Variants in CD99 observed in about 807,000 individuals in gnomAD.
The protein encoded by CD99 is CD99 antigen.
A neutral mutation model predicts 28.4 loss-of-function variants in CD99; 19 were observed. The observed-to-expected ratio is 0.67, with a 90% CI of 0.47 to 0.98. The LOEUF (loss-of-function observed/expected upper bound fraction) is 0.98. Ranked by LOEUF, CD99 falls within the 50% of genes least tolerant of loss-of-function variation. CD99 has a pLI of 0.00. For missense variants in CD99, 283 were observed against 248.8 expected (o/e 1.14, Z -0.92); for synonymous variants, 103 against 92.1 (o/e 1.12, Z -0.67).
At chrX:2,703,757 C>T (rs1002953820) in intron 1 of CD99, among the ~76,000 whole-genome samples, 5 of 151,924 alleles carry the variant, frequency 3.3e-5, no homozygotes, top group Non-Finnish European at 5.9e-5. Flanking sequence ...AGGGCAGAGA[C>T]CACTTTGAAA....
At chrX:2,714,148 A>G (rs28635250) in intron 1 of CD99, among the ~76,000 whole-genome samples, 50,862 of 151,996 alleles carry the variant, frequency 0.33, 9,215 homozygotes, top group African/African-American at 0.48. Flanking sequence ...CCTGTTAAGA[A>G]TAATACACAA....
At chrX:2,739,298 G>GA (rs1197796998) in intron 9 of CD99, among the ~76,000 whole-genome samples, 2 of 151,928 alleles carry the variant, frequency 1.3e-5, no homozygotes, top group African/African-American at 2.4e-5. Flanking sequence ...AAAATGGCAA[G>GA]AAAAAAATGT....
intron 3 of CD99, 123 bp from the exon 4 acceptor site, chrX:2,719,538 G>A: frequency 2.5e-6 from 2 of 791,436 alleles, no homozygotes; most frequent in Admixed American, 1.9e-5. Context: ...TCCTGGTCAA[G>A]CTGATATTCA....
At chrX:2,727,492 C>CTTTTTTTTTTTTTTTTTTTTTT in intron 8 of CD99, 1 of 681,598 alleles carries the variant, frequency 1.5e-6, no homozygotes, top group South Asian at 1.6e-5. Flanking sequence ...TTTTTTATTT[C>CTTTTTTTTTTTTTTTTTTTTTT]TTGAGACAGA....
At chrX:2,724,780 T>C (rs1025280902) in intron 7 of CD99, among the ~76,000 whole-genome samples, 5 of 152,032 alleles carry the variant, frequency 3.3e-5, no homozygotes, top group African/African-American at 1.2e-4. Context: ...GCCATGCACC[T>C]GTAGTCCTAG....
intron 1 of CD99, among the ~76,000 whole-genome samples, chrX:2,710,841 C>G (rs1209504885): frequency 6.9e-6 from 1 of 144,222 alleles, no homozygotes; most frequent in African/African-American, 2.6e-5. Context: ...ACTAATGTAT[C>G]TACATATGAA....
chrX:2,691,863 C>T (rs1215589437), intron 1 of CD99: 5 of 778,844 alleles, frequency 6.4e-6, no homozygotes, highest in Admixed American at 5.1e-5. Context: ...GCCCTGCGTC[C>T]CGGGCCTAAA....
Position 2,691,307 on chromosome X carries a change from G to A in CD99, c.-54G>A. 1 of 1,453,284 alleles carries A rather than the reference G, an allele frequency of 6.9e-7. No homozygotes were observed. The allele number at this position is 1,453,284 out of a possible 1,614,324, so 90.0% of individuals were successfully genotyped here. ...CCCGTGGGGGAGTATCTGTCCTGCC[G>A]CCTTCGCCCACGCCCTGCACTCCGG... On this transcript the variant is annotated 5_prime_UTR_variant, in exon 1 of 10. Coordinates refer to ENST00000381192, the MANE Select transcript of CD99 (RefSeq NM_002414.5).
At chrX:2,720,103 T>TA (rs2048921921) in intron 4 of CD99, among the ~76,000 whole-genome samples, 1 of 152,208 alleles carries the variant, frequency 6.6e-6, no homozygotes, top group South Asian at 2.1e-4. Flanking sequence ...CCCACCTTTT[T>TA]ATTTTGGCCC....
At chrX:2,709,337 AC>A (rs2048275589) in intron 1 of CD99, among the ~76,000 whole-genome samples, 1 of 152,178 alleles carries the variant, frequency 6.6e-6, no homozygotes, top group African/African-American at 2.4e-5. Flanking sequence ...GCACATGCAC[AC>A]CCATATATGC....
At chrX:2,709,280 G>A (rs189213841) in intron 1 of CD99, among the ~76,000 whole-genome samples, 4,573 of 99,460 alleles carry the variant, frequency 0.046, 208 homozygotes, top group East Asian at 0.19. Flanking sequence ...ACATGTGCAC[G>A]TGAGCACACA....
At chrX:2,717,888 G>C in intron 3 of CD99, 1 of 538,986 alleles carries the variant, frequency 1.9e-6, no homozygotes, top group Non-Finnish European at 3.3e-6. Context: ...ACATCTCTGT[G>C]TGCTTTTATT....
At chrX:2,731,126 C>A (rs1022986467) in intron 8 of CD99, among the ~76,000 whole-genome samples, 3 of 152,046 alleles carry the variant, frequency 2.0e-5, no homozygotes, top group African/African-American at 7.2e-5. Flanking sequence ...GATGTTGGAT[C>A]GAGTTATCCG....
chrX:2,736,925 A>G (rs758044486), intron 8 of CD99, among the ~76,000 whole-genome samples: 20 of 152,028 alleles, frequency 1.3e-4, no homozygotes, highest in African/African-American at 4.6e-4. Context: ...AAGACTGGGA[A>G]AAAATGCTGG....
chrX:2,696,031 T>C (rs750088788), intron 1 of CD99, among the ~76,000 whole-genome samples: 115 of 152,352 alleles, frequency 7.5e-4, no homozygotes, highest in Middle Eastern at 3.4e-3. Flanking sequence ...GCGTTTTTCA[T>C]TGATACATGA....
At chrX:2,731,049 C>G (rs895929117) in intron 8 of CD99, among the ~76,000 whole-genome samples, 1 of 152,036 alleles carries the variant, frequency 6.6e-6, no homozygotes, top group African/African-American at 2.4e-5. Context: ...GGTTTTTATA[C>G]CTGAATTATA....
chrX:2,730,792 G>A (rs2049557811), intron 8 of CD99, among the ~76,000 whole-genome samples: 1 of 152,080 alleles, frequency 6.6e-6, no homozygotes, highest in African/African-American at 2.4e-5. Flanking sequence ...AGCTGTGCGT[G>A]ATGGTGGGCA....
intron 2 of CD99, among the ~76,000 whole-genome samples, chrX:2,715,836 A>G: frequency 6.6e-6 from 1 of 152,080 alleles, no homozygotes; most frequent in Non-Finnish European, 1.5e-5. Flanking sequence ...CTGTGTCTCC[A>G]TGTATCTAAA....
intron 7 of CD99, among the ~76,000 whole-genome samples, chrX:2,724,038 G>T: frequency 6.6e-6 from 1 of 152,086 alleles, no homozygotes; most frequent in Middle Eastern, 3.4e-3. Context: ...AGGAAGGGAG[G>T]AAAAGTGGGT....
Sources: allele counts gnomAD v4.1 joint callset (sites outside exome capture counted in the v4.1 genomes callset), GRCh38; gene constraint gnomAD v4.1.1; transcripts MANE v1.5; gene names NCBI Gene and HGNC (gene_info 2026-07-23, HGNC 2026-07-21).